The following NEXMIF variants were observed in gnomAD, a reference collection of about 807,000 sequenced individuals.
The protein encoded by NEXMIF is neurite extension and migration factor.
A neutral mutation model predicts 62.1 loss-of-function variants in NEXMIF; 8 were observed. The ratio of observed to expected loss-of-function variants is 0.13; its 90% CI spans 0.08 to 0.23. The LOEUF (loss-of-function observed/expected upper bound fraction) is 0.23. Among genes scored for constraint, NEXMIF ranks in the 10% least tolerant of loss-of-function variants. The pLI is 1.00. For synonymous variants in NEXMIF, 404 were observed against 416.6 expected (o/e 0.97, Z 0.37); for missense variants, 976 against 1,113.3 (o/e 0.88, Z 1.75).
At chrX:74,908,418 G>A (rs1467275419) in intron 1 of NEXMIF, among the ~76,000 whole-genome samples, 1 of 111,780 alleles carries the variant, frequency 8.9e-6, no homozygotes, top group Admixed American at 9.5e-5. Flanking sequence ...ACTCAGTGCT[G>A]GAAGATATTG....
At chrX:74,845,060 T>C (rs751614775) in intron 1 of NEXMIF, among the ~76,000 whole-genome samples, 1 of 112,325 alleles carries the variant, frequency 8.9e-6, no homozygotes, top group East Asian at 2.8e-4. Context: ...TTAATGATTA[T>C]GTACATATAT....
chrX:74,793,621 C>A (rs1285636148), intron 1 of NEXMIF, among the ~76,000 whole-genome samples: 6 of 109,655 alleles, frequency 5.5e-5, no homozygotes, highest in African/African-American at 2.0e-4. Flanking sequence ...ACCAATCAGA[C>A]GTAGATTTGG....
intron 1 of NEXMIF, chrX:74,769,896 C>T: frequency 1.0e-5 from 3 of 293,952 alleles, no homozygotes; most frequent in Non-Finnish European, 1.8e-5. Context: ...AGACTTATAT[C>T]CCCTGTTGTT....
chrX:74,914,953 A>G (rs1410298396), intron 1 of NEXMIF, among the ~76,000 whole-genome samples: 2 of 112,392 alleles, frequency 1.8e-5, no homozygotes, highest in African/African-American at 3.2e-5. Context: ...CACATACTCA[A>G]TGATTCCATT....
intron 1 of NEXMIF, among the ~76,000 whole-genome samples, chrX:74,768,292 T>C (rs750008416): frequency 1.8e-5 from 2 of 111,957 alleles, no homozygotes; most frequent in Non-Finnish European, 3.8e-5. Flanking sequence ...TTCTCCATTC[T>C]CTGTGGGTTG....
chrX:74,858,926 T>C (rs1160481707), intron 1 of NEXMIF, among the ~76,000 whole-genome samples: 1 of 109,092 alleles, frequency 9.2e-6, no homozygotes, highest in Non-Finnish European at 1.9e-5. Flanking sequence ...GAAGAAAGAA[T>C]TAGTAAGAAT....
At chrX:74,803,759 GA>G (rs2080336983) in intron 1 of NEXMIF, among the ~76,000 whole-genome samples, 1 of 58,266 alleles carries the variant, frequency 1.7e-5, no homozygotes, top group Non-Finnish European at 6.0e-5. Context: ...TTAAAGTGCT[GA>G]AGGAAAAAAA....
At chrX:74,875,733 G>A (rs1359695151) in intron 1 of NEXMIF, among the ~76,000 whole-genome samples, 2 of 111,971 alleles carry the variant, frequency 1.8e-5, no homozygotes, top group African/African-American at 6.5e-5. Context: ...GAGAGTGTAT[G>A]TGTCCAGAAA....
intron 1 of NEXMIF, among the ~76,000 whole-genome samples, chrX:74,873,553 G>C (rs1214121116): frequency 8.9e-6 from 1 of 111,824 alleles, no homozygotes; most frequent in East Asian, 2.8e-4. Context: ...CTAGATCCCT[G>C]AGGAAACACC....
intron 1 of NEXMIF, among the ~76,000 whole-genome samples, chrX:74,905,658 A>C (rs2080765313): frequency 9.0e-6 from 1 of 110,685 alleles, no homozygotes; most frequent in Admixed American, 9.6e-5. Flanking sequence ...AAAAATACAA[A>C]GATTTGCCAG....
intron 1 of NEXMIF, among the ~76,000 whole-genome samples, chrX:74,891,901 A>T (rs1034963792): frequency 1.8e-5 from 2 of 112,173 alleles, no homozygotes; most frequent in African/African-American, 6.5e-5. Context: ...TCACAGCTCA[A>T]CCTGGAGGGA....
At position 74,744,374 on chromosome X, in the gene NEXMIF, G is replaced by A. The variant is rs779975139; in HGVS notation, c.183C>T (p.Pro61=). The part of the protein sequence containing the change: ...PVAQKETLMY[P]RGLLPLPSKK... Reference sequence around the variant, plus strand: ...TAGAGGGTAGAGGCAGGAGACCTCTGGGATACATCAGGGTCTCTTTTTGTG... The same window carrying A: ...TAGAGGGTAGAGGCAGGAGACCTCTAGGATACATCAGGGTCTCTTTTTGTG... The change falls in exon 3 of 4, where the codon CCC becomes CCT. Residue 61 remains proline, a synonymous_variant. Transcript: ENST00000055682. 3.3e-6 allele frequency: 4 copies of A among 1,209,493 alleles called. No individual in the cohort carries two copies. Among genetic ancestry groups the A allele is most frequent in the Non-Finnish European group, 4.5e-6 (4 of 893,747 alleles).
chrX:74,771,821 C>CTGTGTG (rs756161385), intron 1 of NEXMIF, among the ~76,000 whole-genome samples: 240 of 108,894 alleles, frequency 2.2e-3, no homozygotes, highest in African/African-American at 7.7e-3. Flanking sequence ...AACTCTCACT[C>CTGTGTG]TGTGTGTGTG....
chrX:74,811,855 G>A (rs2080361452), intron 1 of NEXMIF, among the ~76,000 whole-genome samples: 3 of 113,030 alleles, frequency 2.7e-5, no homozygotes, highest in Non-Finnish European at 5.6e-5. Flanking sequence ...AAACTCCTAA[G>A]TGACTGTAGA....
rs1053434777 is a variant in NEXMIF at position 74,769,684 on chromosome X, G to T, written c.-47-23987C>A. ...CTGTGGCAAGGCTGGAAAAGCACAA[G>T]AATTTGTTCTTAAATTATAGGAATC... On this transcript the variant is annotated intron_variant, in intron 1 of 3. Transcript: ENST00000055682. 3.8e-5 allele frequency: 27 copies of T among 719,910 alleles called. No homozygotes were observed. The African/African-American group carries it at 5.3e-4, about 14-fold the overall frequency. The allele number at this position is 719,910 out of a possible 1,213,427, so 59.3% of individuals were successfully genotyped here.
At chrX:74,875,206 G>A (rs1403656717) in intron 1 of NEXMIF, among the ~76,000 whole-genome samples, 28 of 110,713 alleles carry the variant, frequency 2.5e-4, no homozygotes, top group Non-Finnish European at 5.1e-4. Context: ...AGCATGAAGG[G>A]TTGTTGAATT....
chrX:74,867,023 C>T (rs2080582355), intron 1 of NEXMIF, among the ~76,000 whole-genome samples: 1 of 111,969 alleles, frequency 8.9e-6, no homozygotes, highest in Non-Finnish European at 1.9e-5. Flanking sequence ...TAAATGAACT[C>T]CCATTTACAA....
chrX:74,780,496 C>T (rs1193373034), intron 1 of NEXMIF, among the ~76,000 whole-genome samples: 1 of 108,909 alleles, frequency 9.2e-6, no homozygotes, highest in Non-Finnish European at 1.9e-5. Flanking sequence ...TGCCTCAGTC[C>T]CTCCCGGGAC....
rs1463929995 is a variant in NEXMIF, at chrX:74,736,826, G to A, written c.*2579C>T. 1 of 112,007 alleles carries A rather than the reference G, an allele frequency of 8.9e-6. No individual in the cohort carries two copies. The highest frequency in any genetic ancestry group is 1.9e-5 in the Non-Finnish European group (1 of 53,117). The allele number at this position is 112,007 out of a possible 1,213,427, so 9.2% of individuals were successfully genotyped here. On this transcript the variant is annotated 3_prime_UTR_variant, in exon 4 of 4. Coordinates refer to ENST00000055682, the MANE Select transcript of NEXMIF (RefSeq NM_001008537.3). Reference sequence around the variant, plus strand: ...TAATACACTGCAGGCCAATTAAAAAGGTACTTTAAAATAACAATTCTCTTT... The same window carrying A: ...TAATACACTGCAGGCCAATTAAAAAAGTACTTTAAAATAACAATTCTCTTT...
Sources: gnomAD v4.1 joint callset for allele counts (sites outside exome capture counted in the v4.1 genomes callset) on GRCh38, gnomAD v4.1.1 for gene constraint, MANE v1.5 for transcripts, NCBI Gene and HGNC (gene_info 2026-07-23, HGNC 2026-07-21) for gene names.